The following GALNTL6 variants were observed in gnomAD, a reference collection of about 807,000 sequenced individuals.
The protein encoded by GALNTL6 is polypeptide N-acetylgalactosaminyltransferase-like 6.
A neutral mutation model predicts 73.7 loss-of-function variants in GALNTL6; 46 were observed. That is an observed-to-expected ratio of 0.62 (90% CI 0.49 to 0.80). The LOEUF is 0.80. GALNTL6 is among the 30% of genes least tolerant of loss of function. The pLI is 0.00. For missense variants in GALNTL6, 604 were observed against 755.0 expected (o/e 0.80, Z 2.34); for synonymous variants, 259 against 263.7 (o/e 0.98, Z 0.17).
At chr4:172,443,148 ATATATATATATATATTTCTT>A (rs1731897557) in intron 5 of GALNTL6, among the ~76,000 whole-genome samples, 1 of 115,164 alleles carries the variant, frequency 8.7e-6, no homozygotes, top group Non-Finnish European at 1.7e-5. Flanking sequence ...ATATATATAT[ATATATATATATATATTTCTT>A]TTTTTTTTTT....
At chr4:172,997,731 G>C (rs1336121144) in intron 10 of GALNTL6, among the ~76,000 whole-genome samples, 1 of 152,144 alleles carries the variant, frequency 6.6e-6, no homozygotes, top group Non-Finnish European at 1.5e-5. Flanking sequence ...TTTGATAACA[G>C]AGTGGCATGA....
At chr4:172,279,163 A>G (rs114201099) in intron 3 of GALNTL6, among the ~76,000 whole-genome samples, 4,150 of 152,228 alleles carry the variant, frequency 0.027, 172 homozygotes, top group African/African-American at 0.093. Flanking sequence ...TTTTGCAGCA[A>G]TTTCTTGAAT....
At chr4:172,206,955 C>G (rs374731852) in intron 2 of GALNTL6, among the ~76,000 whole-genome samples, 1 of 151,036 alleles carries the variant, frequency 6.6e-6, no homozygotes. Flanking sequence ...GTAGCTGGGA[C>G]TACAGGCACC....
At chr4:172,366,612 C>T (rs557909837) in intron 5 of GALNTL6, among the ~76,000 whole-genome samples, 259 of 152,178 alleles carry the variant, frequency 1.7e-3, no homozygotes, top group African/African-American at 5.9e-3. Context: ...GAAAAAATAA[C>T]CAGCCTGTTT....
chr4:172,306,944 C>T (rs1005705781), intron 3 of GALNTL6, among the ~76,000 whole-genome samples: 1 of 152,110 alleles, frequency 6.6e-6, no homozygotes, highest in African/African-American at 2.4e-5. Flanking sequence ...GTGTCTTTTT[C>T]TTATGATGAC....
At chr4:172,237,181 A>G (rs1737272924) in intron 3 of GALNTL6, among the ~76,000 whole-genome samples, 1 of 152,166 alleles carries the variant, frequency 6.6e-6, no homozygotes, top group South Asian at 2.1e-4. Context: ...GAACATACAC[A>G]TTCATGTGTC....
chr4:172,326,492 A>G (rs968356852), intron 4 of GALNTL6, among the ~76,000 whole-genome samples: 3 of 152,114 alleles, frequency 2.0e-5, no homozygotes, highest in Middle Eastern at 3.4e-3. Context: ...TTTGAAATTC[A>G]TTTTATTACC....
chr4:172,631,057 A>G (rs1444918394), intron 5 of GALNTL6, among the ~76,000 whole-genome samples: 1 of 152,062 alleles, frequency 6.6e-6, no homozygotes, highest in Non-Finnish European at 1.5e-5. Flanking sequence ...ACATCAACCA[A>G]TGAAAAACAT....
At chr4:172,854,698 T>C (rs769982413) in intron 7 of GALNTL6, among the ~76,000 whole-genome samples, 8 of 152,232 alleles carry the variant, frequency 5.3e-5, no homozygotes, top group Admixed American at 3.3e-4. Context: ...TTTCTCCTTC[T>C]TCTATGAAAA....
In GALNTL6 at chr4:172,466,092, T is replaced by C. The variant is rs115902301; in HGVS notation, c.553+117403T>C. ...TCATAAAATGCGTCTTTAATAACTTTTAGTAACATTTTGAAGGAACGATGA... is the reference window on the plus strand; with the variant it reads ...TCATAAAATGCGTCTTTAATAACTTCTAGTAACATTTTGAAGGAACGATGA... On this transcript the variant is annotated intron_variant, in intron 5 of 12. Coordinates refer to ENST00000506823, the MANE Select transcript of GALNTL6 (RefSeq NM_001034845.3). 9.3e-3 allele frequency among the ~76,000 whole-genome samples: 1,419 copies of C among 152,296 alleles called. 22 individuals are homozygous for C. Among genetic ancestry groups the C allele is most frequent in the African/African-American group, 0.032 (1,338 of 41,554 alleles).
At chr4:172,925,086 A>T (rs1747983404) in intron 8 of GALNTL6, among the ~76,000 whole-genome samples, 1 of 151,490 alleles carries the variant, frequency 6.6e-6, no homozygotes, top group Non-Finnish European at 1.5e-5. Context: ...GTTAGCCAGG[A>T]TGGTCTCAAT....
chr4:172,778,965 A>ACCCC (rs34242310), intron 5 of GALNTL6, among the ~76,000 whole-genome samples: 1 of 145,894 alleles, frequency 6.9e-6, no homozygotes, highest in East Asian at 2.0e-4. Flanking sequence ...TTTTACTACC[A>ACCCC]CCCCCCTTCA....
chr4:173,007,084 C>T (rs10030847), intron 10 of GALNTL6, among the ~76,000 whole-genome samples: 17,751 of 152,230 alleles, frequency 0.12, 1,316 homozygotes, highest in Non-Finnish European at 0.18. Flanking sequence ...CCAACCTCTA[C>T]TCCTAGAATA....
At chr4:172,610,354 C>G (rs11937094) in intron 5 of GALNTL6, among the ~76,000 whole-genome samples, 12,583 of 152,102 alleles carry the variant, frequency 0.083, 577 homozygotes, top group African/African-American at 0.12. Flanking sequence ...AAACTTTTCT[C>G]TTAACACTGC....
At chr4:172,601,832 A>C (rs1046781709) in intron 5 of GALNTL6, among the ~76,000 whole-genome samples, 11 of 148,226 alleles carry the variant, frequency 7.4e-5, no homozygotes, top group African/African-American at 1.8e-4. Flanking sequence ...ATAGTGGCTG[A>C]AATTTACCAA....
At chr4:172,329,403 A>G (rs1056204095) in intron 4 of GALNTL6, among the ~76,000 whole-genome samples, 1 of 152,162 alleles carries the variant, frequency 6.6e-6, no homozygotes, top group Non-Finnish European at 1.5e-5. Flanking sequence ...GGCTGCTGCC[A>G]TATGCTGGGT....
chr4:173,023,292 G>T (rs1753091319), intron 12 of GALNTL6, among the ~76,000 whole-genome samples: 1 of 152,168 alleles, frequency 6.6e-6, no homozygotes, highest in Non-Finnish European at 1.5e-5. Flanking sequence ...GGACTTGTTT[G>T]TATAAGTTTA....
intron 5 of GALNTL6, among the ~76,000 whole-genome samples, chr4:172,720,952 A>T (rs1296528791): frequency 6.6e-6 from 1 of 152,222 alleles, no homozygotes; most frequent in East Asian, 1.9e-4. Flanking sequence ...TCTTAATAGA[A>T]TTAGAATTAT....
At chr4:172,641,411 C>G (rs1739972717) in intron 5 of GALNTL6, among the ~76,000 whole-genome samples, 1 of 152,080 alleles carries the variant, frequency 6.6e-6, no homozygotes, top group African/African-American at 2.4e-5. Context: ...TGACCTACTC[C>G]TGTGCTTCTC....
Sources: gnomAD v4.1 joint callset for allele counts (sites outside exome capture counted in the v4.1 genomes callset) on GRCh38, gnomAD v4.1.1 for gene constraint, MANE v1.5 for transcripts, NCBI Gene and HGNC (gene_info 2026-07-23, HGNC 2026-07-21) for gene names.